The following ITGB8 variants were observed in gnomAD, a reference collection of about 807,000 sequenced individuals.
ITGB8 encodes integrin beta-8.
In ITGB8, 30 loss-of-function variants were observed where a neutral mutation model predicts 89.5. The ratio of observed to expected loss-of-function variants is 0.34; its 90% CI spans 0.25 to 0.45. The LOEUF is 0.45. ITGB8 is among the 20% of genes least tolerant of loss of function. The pLI is 1.00. For missense variants in ITGB8, 836 were observed against 933.3 expected, an observed-to-expected ratio of 0.90 and a Z score of 1.36; for synonymous variants, 335 against 320.4, an observed-to-expected ratio of 1.05 and a Z score of -0.49.
Position 20,413,233 on chromosome 7 carries a change from A to G in ITGB8, c.*3236A>G, listed in dbSNP as rs1787824824. ...TAAATGTTCAGTTTATCTTTGGTTT[A>G]TTAAAATAAAAAAAAAATCTAAGAT... On this transcript the variant is annotated 3_prime_UTR_variant, in exon 14 of 14. Transcript: ENST00000222573. The G allele has an allele frequency of 6.6e-6, 1 of 152,360 alleles. No homozygotes were observed. The highest frequency in any genetic ancestry group is 1.5e-5 in the Non-Finnish European group (1 of 67,948). The allele number at this position is 152,360 out of a possible 1,614,324, so 9.4% of individuals were successfully genotyped here.
chr7:20,373,860 A>T (rs1223264611), intron 3 of ITGB8, among the ~76,000 whole-genome samples: 1 of 152,172 alleles, frequency 6.6e-6, no homozygotes, highest in Non-Finnish European at 1.5e-5. Flanking sequence ...GTGTGCAGTC[A>T]TGTTCGTTGT....
At chr7:20,360,837 T>A (rs1002314370) in intron 1 of ITGB8, among the ~76,000 whole-genome samples, 2 of 150,144 alleles carry the variant, frequency 1.3e-5, no homozygotes, top group Non-Finnish European at 3.0e-5. Flanking sequence ...TTTGATATGA[T>A]GACTTCTTTT....
chr7:20,358,291 T>A (rs921223421), intron 1 of ITGB8, among the ~76,000 whole-genome samples: 2 of 152,068 alleles, frequency 1.3e-5, no homozygotes, highest in Non-Finnish European at 2.9e-5. Flanking sequence ...AGATGGGAGA[T>A]AGCAATGTGA....
rs115045587 is a variant in ITGB8, at chr7:20,412,629, C to T, written c.*2632C>T. 2.1e-3 allele frequency: 317 copies of T among 152,698 alleles called. No homozygotes were observed. Among genetic ancestry groups the T allele is most frequent in the African/African-American group, 7.1e-3 (297 of 41,562 alleles). The allele number at this position is 152,698 out of a possible 1,614,324, so 9.5% of individuals were successfully genotyped here. On this transcript the variant is annotated 3_prime_UTR_variant, in exon 14 of 14. Transcript: ENST00000222573. ...AGGAAGGGACAAACTTCCTTGTAGG[C>T]AACTCAGTGTTAGACGATGATTGTG...
At chr7:20,347,934 C>T (rs1007819983) in intron 1 of ITGB8, among the ~76,000 whole-genome samples, 1 of 152,134 alleles carries the variant, frequency 6.6e-6, no homozygotes, top group African/African-American at 2.4e-5. Context: ...AAAGACAGGA[C>T]ATTTAAACAT....
At position 20,363,710 on chromosome 7, in the gene ITGB8, G is replaced by A; in HGVS notation, c.201G>A (p.Trp67Ter). The A allele has an allele frequency of 6.3e-7, 1 of 1,593,776 alleles. No homozygotes were observed. Among genetic ancestry groups the A allele is most frequent in the Non-Finnish European group, 8.5e-7 (1 of 1,174,200 alleles). Residue 67 changes from tryptophan to a stop codon, truncating the protein, a stop_gained, in exon 2 of 14, where the codon TGG becomes TGA. Transcript: ENST00000222573. LOFTEE classifies it high-confidence loss of function. ...TTGCGCTGGGTCCAGAATGTGGATG[G>A]TGTGTTCAAGAGGTGTGCCATTTTT... ...RCLALGPECG[W>*]CVQEDFISGG... is the part of the protein sequence containing the mutation.
At chr7:20,385,068 T>C (rs76394911) in intron 6 of ITGB8, among the ~76,000 whole-genome samples, 2,187 of 152,296 alleles carry the variant, frequency 0.014, 46 homozygotes, top group African/African-American at 0.049. Flanking sequence ...TACTGAGGGT[T>C]TGGAATTTCA....
chr7:20,372,980 A>T (rs191586497), intron 3 of ITGB8, among the ~76,000 whole-genome samples: 1 of 152,332 alleles, frequency 6.6e-6, no homozygotes, highest in African/African-American at 2.4e-5. Flanking sequence ...CCATGATGTG[A>T]AAGTCCTTTT....
chr7:20,380,756 T>G lies in ITGB8; in HGVS notation c.726T>G (p.His242Gln). 1 of 1,613,838 alleles carries G rather than the reference T, an allele frequency of 6.2e-7. No individual in the cohort carries two copies. Among genetic ancestry groups the G allele is most frequent in the Non-Finnish European group, 8.5e-7 (1 of 1,179,696 alleles). ...TCACTGAGTTTGAGAAAGCAGTTCA[T>G]AGACAGAAGATCTCTGGAAACATAG... ...ENITEFEKAVHRQKISGNIDT... is the reference protein window; with the variant it reads ...ENITEFEKAVQRQKISGNIDT... Residue 242 changes from histidine (H) to glutamine (Q), a missense_variant, in exon 5 of 14, where the codon CAT (histidine) becomes CAG (glutamine). Coordinates refer to ENST00000222573, the MANE Select transcript of ITGB8 (RefSeq NM_002214.3).
Position 20,401,812 on chromosome 7 carries a change from C to T in ITGB8, c.1373C>T (p.Thr458Ile). ...AIIKPIGFNE[T>I]AKIHIHRNCS... ...ATCAAACCTATTGGTTTTAATGAAA[C>T]CGCTAAAATTCATATACACAGAAAC... Residue 458 changes from threonine to isoleucine, a missense_variant, in exon 10 of 14, where the codon ACC (threonine) becomes ATC (isoleucine). Thr to Ile is a moderately conservative substitution (Grantham distance 89). Around this residue, in one of 5 missense-constraint regions of ITGB8, gnomAD observed 422 missense variants for 416.9 expected, o/e 1.01. Transcript: ENST00000222573. The T allele has an allele frequency of 1.2e-6, 2 of 1,612,798 alleles. No individual in the cohort carries two copies. Among genetic ancestry groups the T allele is most frequent in the Non-Finnish European group, 1.7e-6 (2 of 1,179,708 alleles).
At chr7:20,343,164 A>C (rs1454259102) in intron 1 of ITGB8, among the ~76,000 whole-genome samples, 1 of 152,134 alleles carries the variant, frequency 6.6e-6, no homozygotes, top group African/African-American at 2.4e-5. Context: ...TAGAAATGGG[A>C]TGTTGGATAT....
intron 6 of ITGB8, among the ~76,000 whole-genome samples, chr7:20,387,084 T>A (rs12700193): frequency 0.23 from 34,455 of 152,114 alleles, 5,098 homozygotes; most frequent in Non-Finnish European, 0.32. Context: ...GGCCTCCAAA[T>A]CTCTCTTATT....
Position 20,349,831 on chromosome 7 carries a change from T to A in ITGB8, c.128-13806T>A, listed in dbSNP as rs533162645. Reference sequence around the variant, plus strand: ...GTCTTTTTCTAACAAATATTCCATCTCAGTTAATTTACAGTGCTAACTGGA... The same window carrying A: ...GTCTTTTTCTAACAAATATTCCATCACAGTTAATTTACAGTGCTAACTGGA... On this transcript the variant is annotated intron_variant, in intron 1 of 13. Coordinates refer to ENST00000222573, the MANE Select transcript of ITGB8 (RefSeq NM_002214.3). Among the ~76,000 whole-genome samples the A allele has an allele frequency of 1.4e-4, 21 of 152,354 alleles. No individual in the cohort carries two copies. In the East Asian group the frequency reaches 4.0e-3, roughly 29 times the overall value.
At chr7:20,336,000 C>CTT (rs201113693) in intron 1 of ITGB8, among the ~76,000 whole-genome samples, 22,436 of 95,550 alleles carry the variant, frequency 0.23, 4,379 homozygotes, top group Non-Finnish European at 0.32. Context: ...TCTTGGTTTT[C>CTT]TTTTTTTTTT....
chr7:20,334,746 A>G (rs1784521410), intron 1 of ITGB8, among the ~76,000 whole-genome samples: 1 of 152,190 alleles, frequency 6.6e-6, no homozygotes, highest in African/African-American at 2.4e-5. Context: ...TCTTGAAGCA[A>G]TGGAGACACT....
At chr7:20,339,053 G>GCC in intron 1 of ITGB8, among the ~76,000 whole-genome samples, 1 of 152,144 alleles carries the variant, frequency 6.6e-6, no homozygotes, top group Non-Finnish European at 1.5e-5. Context: ...TTAGCTGGAT[G>GCC]TGGTTGCACA....
At chr7:20,366,890 A>G (rs772115710) in intron 2 of ITGB8, 122 bp from the exon 3 acceptor site, 7 of 640,960 alleles carry the variant, frequency 1.1e-5, no homozygotes, top group Non-Finnish European at 1.8e-5. Flanking sequence ...TAGTAAAAAC[A>G]TAAGGATTAG....
At chr7:20,364,299 A>T (rs962952628) in intron 2 of ITGB8, among the ~76,000 whole-genome samples, 5 of 152,156 alleles carry the variant, frequency 3.3e-5, no homozygotes, top group African/African-American at 1.2e-4. Flanking sequence ...GAGATTGCCT[A>T]AATAATTTTA....
At chr7:20,383,919 A>G (rs550396410) in intron 6 of ITGB8, among the ~76,000 whole-genome samples, 4 of 152,262 alleles carry the variant, frequency 2.6e-5, no homozygotes, top group Non-Finnish European at 4.4e-5. Context: ...CCTTAGAAGG[A>G]TACTTTTATT....
Sources: allele counts gnomAD v4.1 joint callset (sites outside exome capture counted in the v4.1 genomes callset), GRCh38; gene constraint gnomAD v4.1.1; regional missense constraint gnomAD v4.1.1; transcripts MANE v1.5; gene names NCBI Gene and HGNC (gene_info 2026-07-23, HGNC 2026-07-21).